TRIM22: variants seen among roughly 807,000 people sequenced by gnomAD.
TRIM22 encodes tripartite motif containing 22.
A neutral mutation model predicts 53.6 loss-of-function variants in TRIM22; 45 were observed. That is an observed-to-expected ratio of 0.84 (90% CI 0.66 to 1.08). TRIM22 has a LOEUF of 1.08. TRIM22 is among the 50% of genes least tolerant of loss of function. The pLI, the probability that TRIM22 is intolerant of heterozygous loss-of-function variation, is 0.00. For missense variants in TRIM22, 616 were observed against 590.9 expected, an observed-to-expected ratio of 1.04 and a Z score of -0.44; for synonymous variants, 225 against 216.6, an observed-to-expected ratio of 1.04 and a Z score of -0.34.
At chr11:5,695,026 G>A (rs1035601996) in intron 1 of TRIM22, among the ~76,000 whole-genome samples, 3 of 152,120 alleles carry the variant, frequency 2.0e-5, no homozygotes, top group Admixed American at 6.5e-5. Context: ...TTATATATTC[G>A]TTAAATGTTT....
intron 1 of TRIM22, among the ~76,000 whole-genome samples, chr11:5,694,661 A>C (rs1257822777): frequency 6.6e-6 from 1 of 152,200 alleles, no homozygotes; most frequent in Admixed American, 6.5e-5. Flanking sequence ...CTATTGACAC[A>C]CCTGAAGAAA....
rs746105484 is a variant in TRIM22, at chr11:5,696,451, T to C, written c.219T>C (p.His73=). 2.5e-6 allele frequency: 4 copies of C among 1,614,110 alleles called. No individual in the cohort carries two copies. Among genetic ancestry groups the C allele is most frequent in the Admixed American group, 1.7e-5 (1 of 60,008 alleles). Reference sequence around the variant, plus strand: ...CTGGGAACCTCCGACCTAATCGGCATCTGGCCAACATAGTTGAGAGAGTCA... The same window carrying C: ...CTGGGAACCTCCGACCTAATCGGCACCTGGCCAACATAGTTGAGAGAGTCA... ...FQPGNLRPNR[H]LANIVERVKE... is the part of the protein sequence containing the mutation. The change falls in exon 2 of 8, where the codon CAT becomes CAC. Residue 73 remains histidine, a synonymous_variant. Coordinates refer to ENST00000379965, the MANE Select transcript of TRIM22 (RefSeq NM_006074.5).
chr11:5,704,630 T>A (rs1853429769), intron 4 of TRIM22, among the ~76,000 whole-genome samples: 1 of 152,208 alleles, frequency 6.6e-6, no homozygotes, highest in Non-Finnish European at 1.5e-5. Flanking sequence ...TTTTTTAAAG[T>A]TTCATTTTGG....
chr11:5,698,432 C>G lies in TRIM22; in HGVS notation c.637C>G (p.Leu213Val). Residue 213 changes from leucine (L) to valine (V), a missense_variant, in exon 4 of 8, where the codon CTG becomes GTG. By Grantham distance (32) the Leu-to-Val change is conservative (BLOSUM62 1). Coordinates refer to ENST00000379965, the MANE Select transcript of TRIM22 (RefSeq NM_006074.5). ...QKLEEGEVNV[L>V]DNLAAATDQL... ...GCTGGAGGAAGGTGAGGTGAATGTG[C>G]TGGATAACCTGGCAGCAGCTACAGA... 1 of 1,614,202 alleles carries G rather than the reference C, an allele frequency of 6.2e-7. No individual in the cohort carries two copies. Among genetic ancestry groups the G allele is most frequent in the Non-Finnish European group, 8.5e-7 (1 of 1,180,034 alleles).
intron 4 of TRIM22, among the ~76,000 whole-genome samples, chr11:5,701,045 T>G (rs1268746422): frequency 6.6e-6 from 1 of 152,238 alleles, no homozygotes; most frequent in Non-Finnish European, 1.5e-5. Flanking sequence ...ATACCTTGAA[T>G]AAATCCCACT....
Position 5,696,506 on chromosome 11 carries a change from C to G in TRIM22, c.274C>G (p.Gln92Glu). Residue 92 changes from glutamine to glutamate, a missense_variant, in exon 2 of 8, where the codon CAG (glutamine) becomes GAG (glutamate). By Grantham distance (29) the Gln-to-Glu change is conservative. Transcript: ENST00000379965. Reference protein sequence around the residue: ...KEVKMSPQEGQKRDVCEHHGK... With the variant: ...KEVKMSPQEGEKRDVCEHHGK... ...GGTCAAGATGAGCCCACAGGAGGGG[C>G]AGAAGAGAGATGTCTGTGAGCACCA... is the stretch of plus-strand genomic sequence containing the variant. 1 of 1,614,210 alleles carries G rather than the reference C, an allele frequency of 6.2e-7. No individual in the cohort carries two copies. The highest frequency in any genetic ancestry group is 8.5e-7 in the Non-Finnish European group (1 of 1,180,036).
rs1325002381 is a variant in TRIM22, at chr11:5,710,086, T to C, written c.*438T>C. ...CCTTAATGAAATCATTTTAACATTA[T>C]ATTCTCTACAAAGACCTTATTTCCA... On this transcript the variant is annotated 3_prime_UTR_variant, in exon 8 of 8. Transcript: ENST00000379965. The C allele has an allele frequency of 6.3e-6, 1 of 158,626 alleles. No individual in the cohort carries two copies. The highest frequency in any genetic ancestry group is 1.4e-5 in the Non-Finnish European group (1 of 71,972). 9.8% of individuals were successfully genotyped at this position (158,626 alleles called of 1,614,324 possible). A position where few individuals can be genotyped will look rare whatever the true frequency, so the allele number is the denominator to read the frequency against.
At chr11:5,697,203 T>C in intron 2 of TRIM22, 45 bp from the exon 3 acceptor site, 2 of 1,463,452 alleles carry the variant, frequency 1.4e-6, no homozygotes. Flanking sequence ...ATTCAGGTGC[T>C]GAGAAAGCTC....
intron 6 of TRIM22, 39 bp downstream of exon 6, chr11:5,708,312 T>A (rs371316183): frequency 5.6e-5 from 88 of 1,572,508 alleles, no homozygotes; most frequent in African/African-American, 8.1e-5. Context: ...TGTGGATTTC[T>A]TAGTATCAGG....
chr11:5,698,460 A>T lies in TRIM22; in HGVS notation c.665A>T (p.Gln222Leu), dbSNP rs1853308858. Residue 222 changes from glutamine to leucine, a missense_variant, in exon 4 of 8, where the codon CAG becomes CTG. Physicochemically the swap from Gln to Leu is moderately radical, Grantham distance 113. Coordinates refer to ENST00000379965, the MANE Select transcript of TRIM22 (RefSeq NM_006074.5). Reference sequence around the variant, plus strand: ...GATAACCTGGCAGCAGCTACAGACCAGCTGGTCCAGCAGAGGCAGGATGCC... The same window carrying T: ...GATAACCTGGCAGCAGCTACAGACCTGCTGGTCCAGCAGAGGCAGGATGCC... ...VLDNLAAATD[Q>L]LVQQRQDAST... 6.2e-7 allele frequency: 1 copy of T among 1,614,032 alleles called. No individual in the cohort carries two copies. The highest frequency in any genetic ancestry group is 8.5e-7 in the Non-Finnish European group (1 of 1,180,004).
Position 5,709,545 on chromosome 11 carries a change from T to A in TRIM22, c.1394T>A (p.Leu465His). 1 of 1,614,170 alleles carries A rather than the reference T, an allele frequency of 6.2e-7. No individual in the cohort carries two copies. Among genetic ancestry groups the A allele is most frequent in the Non-Finnish European group, 8.5e-7 (1 of 1,180,036 alleles). Residue 465 changes from leucine to histidine, a missense_variant, in exon 8 of 8, where the codon CTC becomes CAC. Leu to His is a moderately conservative substitution (Grantham distance 99). Transcript: ENST00000379965. ...SFFNVTNHGALIYKFSGCRFS... is the reference protein window; with the variant it reads ...SFFNVTNHGAHIYKFSGCRFS... ...TTCAATGTCACAAACCACGGAGCACTCATCTACAAGTTCTCTGGATGTCGC... is the reference window on the plus strand; with the variant it reads ...TTCAATGTCACAAACCACGGAGCACACATCTACAAGTTCTCTGGATGTCGC...
intron 4 of TRIM22, 48 bp downstream of exon 4, chr11:5,698,593 C>G (rs762742898): frequency 6.8e-7 from 1 of 1,474,462 alleles, no homozygotes; most frequent in African/African-American, 1.4e-5. Context: ...GGGAAAAACA[C>G]AGAGGCCGAT....
At chr11:5,691,894 A>G (rs1389543354) in intron 1 of TRIM22, among the ~76,000 whole-genome samples, 1 of 152,190 alleles carries the variant, frequency 6.6e-6, no homozygotes, top group Non-Finnish European at 1.5e-5. Flanking sequence ...GTCAAGGTCC[A>G]TATCTAGTAT....
At chr11:5,707,196 AGTTT>A (rs1853473859) in intron 5 of TRIM22, among the ~76,000 whole-genome samples, 2 of 152,310 alleles carry the variant, frequency 1.3e-5, no homozygotes, top group East Asian at 3.9e-4. Flanking sequence ...GCAACATCAA[AGTTT>A]TTTTAAACAC....
rs1853536765 is a variant in TRIM22 at position 5,710,164 on chromosome 11, G to A, written c.*516G>A. On this transcript the variant is annotated 3_prime_UTR_variant, in exon 8 of 8. Transcript: ENST00000379965. ...AATAAAAACTCCAACATATAAATTTGAGGAAGGCACGATTTCACTCATAAC... is the reference window on the plus strand; with the variant it reads ...AATAAAAACTCCAACATATAAATTTAAGGAAGGCACGATTTCACTCATAAC... 6.5e-6 allele frequency: 1 copy of A among 152,738 alleles called. No homozygotes were observed. Among genetic ancestry groups the A allele is most frequent in the Non-Finnish European group, 1.5e-5 (1 of 68,478 alleles). The allele number at this position is 152,738 out of a possible 1,614,324, so 9.5% of individuals were successfully genotyped here.
chr11:5,700,411 G>A (rs1452859424), intron 4 of TRIM22, among the ~76,000 whole-genome samples: 4 of 151,862 alleles, frequency 2.6e-5, no homozygotes, highest in South Asian at 4.1e-4. Flanking sequence ...CACCGCGCCT[G>A]GCCAGCAGTT....
At position 5,709,639 on chromosome 11, in the gene TRIM22, G is replaced by A. The variant is rs897482209; in HGVS notation, c.1488G>A (p.Pro496=). The A allele has an allele frequency of 5.6e-6, 9 of 1,602,232 alleles. No individual in the cohort carries two copies. Among genetic ancestry groups the A allele is most frequent in the Admixed American group, 5.0e-5 (3 of 59,928 alleles). The change falls in exon 8 of 8, where the codon CCG becomes CCA. Residue 496 remains proline (P), a synonymous_variant. Transcript: ENST00000379965. ...TAGTCCCCATGACTGTGTGCCCACC[G>A]AGCTCCTGAGTGTTCTCATTCCTTT... ...NCLVPMTVCP[P]SS
chr11:5,707,416 T>A (rs1853477833), intron 5 of TRIM22, among the ~76,000 whole-genome samples: 1 of 152,162 alleles, frequency 6.6e-6, no homozygotes, highest in Non-Finnish European at 1.5e-5. Flanking sequence ...ACCACCTGTC[T>A]AGGAACCCAC....
rs373939653 is a variant in TRIM22, at chr11:5,698,516, T to C, written c.721T>C (p.Leu241=). 134 of 1,613,454 alleles carry C rather than the reference T, an allele frequency of 8.3e-5. No homozygotes were observed. The highest frequency in any genetic ancestry group is 1.0e-4 in the Non-Finnish European group (118 of 1,179,770). ...GCTCATCTCAGATCTCCAGCGGAGG[T>C]TGAGGGGATCGTCAGTAGAGATGCT... ...STLISDLQRR[L]RGSSVEMLQD... Residue 241 remains leucine (L), a synonymous_variant, in exon 4 of 8, where the codon TTG becomes CTG. Coordinates refer to ENST00000379965, the MANE Select transcript of TRIM22 (RefSeq NM_006074.5).
Sources: allele counts gnomAD v4.1 joint callset (sites outside exome capture counted in the v4.1 genomes callset), GRCh38; gene constraint gnomAD v4.1.1; transcripts MANE v1.5; gene names NCBI Gene and HGNC (gene_info 2026-07-23, HGNC 2026-07-21).